KHDRBS2: variants seen among roughly 807,000 people sequenced by gnomAD.
KHDRBS2 encodes the protein KH RNA binding domain containing, signal transduction associated 2, also known as KH domain-containing, RNA-binding, signal transduction-associated protein 2.
KHDRBS2 carries 26 observed loss-of-function variants against 44.3 expected under a neutral mutation model. That is an observed-to-expected ratio of 0.59 (90% confidence interval 0.43 to 0.81). The LOEUF (loss-of-function observed/expected upper bound fraction) is 0.81. Among genes scored for constraint, KHDRBS2 ranks in the 40% least tolerant of loss-of-function variants. The pLI, the probability that KHDRBS2 is intolerant of heterozygous loss-of-function variation, is 0.00. For synonymous variants in KHDRBS2, 194 were observed against 151.1 expected (o/e 1.28, Z -2.08); for missense variants, 476 against 433.1 (o/e 1.10, Z -0.88).
chr6:62,062,785 G>A (rs1433960063), intron 2 of KHDRBS2, among the ~76,000 whole-genome samples: 2 of 147,028 alleles, frequency 1.4e-5, no homozygotes, highest in Non-Finnish European at 3.0e-5. Flanking sequence ...AATCAGAGCA[G>A]AACTGAAGGA....
At chr6:62,088,099 T>A (rs1188173326) in intron 2 of KHDRBS2, among the ~76,000 whole-genome samples, 1 of 152,216 alleles carries the variant, frequency 6.6e-6, no homozygotes, top group Non-Finnish European at 1.5e-5. Flanking sequence ...TCCTCTAACC[T>A]CTTCTCACAG....
intron 1 of KHDRBS2, among the ~76,000 whole-genome samples, chr6:62,178,535 G>C (rs1407429343): frequency 6.6e-6 from 1 of 151,456 alleles, no homozygotes; most frequent in Non-Finnish European, 1.5e-5. Flanking sequence ...ATCAATCACA[G>C]CAGAAGGCAA....
the KHDRBS2 span, among the ~76,000 whole-genome samples, chr6:61,607,520 C>CAAAAAAAAA: frequency 0.029 from 1,206 of 41,014 alleles, 359 homozygotes; most frequent in East Asian, 0.069. Flanking sequence ...GAGTTCCAAG[C>CAAAAAAAAA]AAAAAAAAAA....
At chr6:62,173,942 C>T (rs571969617) in intron 2 of KHDRBS2, among the ~76,000 whole-genome samples, 2 of 151,878 alleles carry the variant, frequency 1.3e-5, no homozygotes, top group South Asian at 4.1e-4. Flanking sequence ...TATGAAAAAC[C>T]CACAGCCAAC....
chr6:61,760,604 C>G (rs1279394014), intron 6 of KHDRBS2, among the ~76,000 whole-genome samples: 5 of 151,530 alleles, frequency 3.3e-5, no homozygotes, highest in African/African-American at 7.3e-5. Context: ...TGCACTCCAG[C>G]CTGGGCAACA....
the KHDRBS2 span, among the ~76,000 whole-genome samples, chr6:61,641,893 T>C: frequency 3.3e-5 from 5 of 152,230 alleles, no homozygotes; most frequent in Non-Finnish European, 7.3e-5. Flanking sequence ...TTATTATCAT[T>C]CAATTAGGGC....
intron 6 of KHDRBS2, among the ~76,000 whole-genome samples, chr6:61,839,167 G>A (rs895618768): frequency 6.6e-6 from 1 of 152,104 alleles, no homozygotes; most frequent in African/African-American, 2.4e-5. Flanking sequence ...AGAAGCGTCT[G>A]TGTCTCCAAT....
intron 1 of KHDRBS2, among the ~76,000 whole-genome samples, chr6:62,280,286 G>A (rs191346452): frequency 5.9e-5 from 9 of 152,290 alleles, no homozygotes; most frequent in Admixed American, 2.6e-4. Flanking sequence ...GTGTGACATG[G>A]TGAGACTTTA....
rs1188561041 is a variant in KHDRBS2 at position 62,025,499 on chromosome 6, T to G, written c.336+22379A>C. Among the ~76,000 whole-genome samples the G allele has an allele frequency of 3.3e-5, 5 of 152,076 alleles. 1 individual carries two copies. Among genetic ancestry groups the G allele is most frequent in the African/African-American group, 1.2e-4 (5 of 41,564 alleles). On this transcript the variant is annotated intron_variant, in intron 3 of 8. Transcript: ENST00000281156. ...TATGTACATTTTAAAAAAGTGTATCTCTATTTCAGTATGTATTTATAAAGG... is the reference window on the plus strand; with the variant it reads ...TATGTACATTTTAAAAAAGTGTATCGCTATTTCAGTATGTATTTATAAAGG...
intron 6 of KHDRBS2, among the ~76,000 whole-genome samples, chr6:61,778,906 C>T (rs1443547293): frequency 2.0e-5 from 3 of 152,190 alleles, no homozygotes; most frequent in Admixed American, 6.5e-5. Flanking sequence ...TCTTCCACTG[C>T]TTTGCTCACT....
intron 4 of KHDRBS2, among the ~76,000 whole-genome samples, chr6:61,922,867 A>C (rs375481939): frequency 4.6e-5 from 7 of 152,280 alleles, no homozygotes; most frequent in Admixed American, 1.3e-4. Context: ...TTTATCACTT[A>C]ATATGGCAAG....
the KHDRBS2 span, among the ~76,000 whole-genome samples, chr6:61,556,945 C>G: frequency 1.6e-5 from 2 of 123,538 alleles, no homozygotes; most frequent in African/African-American, 6.1e-5. Flanking sequence ...CAATGACTAC[C>G]AATAAAGTTT....
At chr6:61,611,654 A>C in the KHDRBS2 span, among the ~76,000 whole-genome samples, 3 of 152,070 alleles carry the variant, frequency 2.0e-5, no homozygotes, top group African/African-American at 4.8e-5. Flanking sequence ...CTTTGTTCAA[A>C]ATTTCAGCTT....
At chr6:62,147,701 T>C (rs1814239109) in intron 2 of KHDRBS2, among the ~76,000 whole-genome samples, 1 of 151,984 alleles carries the variant, frequency 6.6e-6, no homozygotes, top group Admixed American at 6.6e-5. Flanking sequence ...GAGGAGATAA[T>C]GAATGTAATC....
At chr6:62,052,089 A>G (rs1436603076) in intron 2 of KHDRBS2, among the ~76,000 whole-genome samples, 1 of 152,048 alleles carries the variant, frequency 6.6e-6, no homozygotes, top group Non-Finnish European at 1.5e-5. Flanking sequence ...GTTTCTAAAT[A>G]AATTAAAAAT....
At position 61,951,670 on chromosome 6, in the gene KHDRBS2, A is replaced by G. The variant is rs1764770844; in HGVS notation, c.483+26396T>C. Among the ~76,000 whole-genome samples, 3 of 152,176 alleles carry G rather than the reference A, an allele frequency of 2.0e-5. No individual in the cohort carries two copies. The South Asian group carries it at 6.2e-4, about 32-fold the overall frequency. On this transcript the variant is annotated intron_variant, in intron 4 of 8. Coordinates refer to ENST00000281156, the MANE Select transcript of KHDRBS2 (RefSeq NM_152688.4). ...CGAATTCAAAGACAGAATTAGAAAAATCAGTGTACAGTGTAAATTACTGAA... is the reference window on the plus strand; with the variant it reads ...CGAATTCAAAGACAGAATTAGAAAAGTCAGTGTACAGTGTAAATTACTGAA...
chr6:61,776,796 C>G (rs895262320), intron 6 of KHDRBS2, among the ~76,000 whole-genome samples: 2 of 152,006 alleles, frequency 1.3e-5, no homozygotes, highest in Non-Finnish European at 2.9e-5. Context: ...GGGTATATAC[C>G]CAAAGGACTA....
At chr6:62,141,685 T>C (rs1046912314) in intron 2 of KHDRBS2, among the ~76,000 whole-genome samples, 1 of 152,132 alleles carries the variant, frequency 6.6e-6, no homozygotes, top group Non-Finnish European at 1.5e-5. Context: ...AATCCCTCTA[T>C]ATAGTAAACA....
the KHDRBS2 span, among the ~76,000 whole-genome samples, chr6:61,590,443 G>A: frequency 1.3e-5 from 2 of 152,200 alleles, no homozygotes; most frequent in East Asian, 1.9e-4. Flanking sequence ...AATTCTGCAA[G>A]TTACTCTGAG....
Sources: allele counts gnomAD v4.1 joint callset (sites outside exome capture counted in the v4.1 genomes callset), GRCh38; gene constraint gnomAD v4.1.1; transcripts MANE v1.5; gene names NCBI Gene and HGNC (gene_info 2026-07-23, HGNC 2026-07-21).